Variants in SNX29 observed in about 807,000 individuals in gnomAD.
SNX29 encodes sorting nexin 29.
In SNX29, 78 loss-of-function variants were observed where a neutral mutation model predicts 102.1. That is an observed-to-expected ratio of 0.76 (90% confidence interval 0.64 to 0.92). The LOEUF (loss-of-function observed/expected upper bound fraction) is 0.92, where lower values mean the gene tolerates loss of function less well. Ranked by LOEUF, SNX29 falls within the 40% of genes least tolerant of loss-of-function variation. The pLI, the probability that SNX29 is intolerant of heterozygous loss-of-function variation, is 0.00. For synonymous variants in SNX29, 580 were observed against 414.5 expected, an observed-to-expected ratio of 1.40 and a Z score of -4.85; for missense variants, 1,280 against 1,061.7, an observed-to-expected ratio of 1.21 and a Z score of -2.86.
At chr16:12,539,987 TCA>T (rs2077254005) in intron 20 of SNX29, among the ~76,000 whole-genome samples, 1 of 152,198 alleles carries the variant, frequency 6.6e-6, no homozygotes, top group Non-Finnish European at 1.5e-5. Flanking sequence ...CTTCTAGTCT[TCA>T]GCTTCTTTTC....
In SNX29 at chr16:12,571,122, C is replaced by T. The variant is rs2079178611; in HGVS notation, c.*2493C>T. 4.3e-6 allele frequency: 1 copy of T among 232,672 alleles called. No homozygotes were observed. The highest frequency in any genetic ancestry group is 8.5e-6 in the Non-Finnish European group (1 of 117,652). The allele number at this position is 232,672 out of a possible 1,614,324, so 14.4% of individuals were successfully genotyped here. A position where few individuals can be genotyped will look rare whatever the true frequency, so the allele number is the denominator to read the frequency against. On this transcript the variant is annotated 3_prime_UTR_variant, in exon 21 of 21. Coordinates refer to ENST00000566228, the MANE Select transcript of SNX29 (RefSeq NM_032167.5). Reference sequence around the variant, plus strand: ...TCCCTTTGGAATCCCATAGAATGTTCTGCAATGATTGGGTCCATCTTGCTG... The same window carrying T: ...TCCCTTTGGAATCCCATAGAATGTTTTGCAATGATTGGGTCCATCTTGCTG...
At chr16:12,107,018 G>C (rs2053279430) in intron 11 of SNX29, among the ~76,000 whole-genome samples, 1 of 152,130 alleles carries the variant, frequency 6.6e-6, no homozygotes, top group Non-Finnish European at 1.5e-5. Flanking sequence ...AGGTCTCACT[G>C]TGTTGCCCAG....
Position 12,572,045 on chromosome 16 carries a change from G to C in SNX29, c.*3416G>C, listed in dbSNP as rs2079199036. On this transcript the variant is annotated 3_prime_UTR_variant, in exon 21 of 21. Coordinates refer to ENST00000566228, the MANE Select transcript of SNX29 (RefSeq NM_032167.5). The stretch of plus-strand genomic sequence containing the variant: ...ATAAAAGGGATCATCCAGTGGAGTT[G>C]TAAACAAGGGAACCATCTTGCAAGA... 2 of 1,063,454 alleles carry C rather than the reference G, an allele frequency of 1.9e-6. No homozygotes were observed. The highest frequency in any genetic ancestry group is 3.3e-5 in the African/African-American group (2 of 60,928). 65.9% of individuals were successfully genotyped at this position (1,063,454 alleles called of 1,614,324 possible).
intron 8 of SNX29, among the ~76,000 whole-genome samples, chr16:12,059,452 C>T (rs926227253): frequency 2.0e-5 from 3 of 152,208 alleles, no homozygotes; most frequent in Admixed American, 1.3e-4. Context: ...TCTTCTTTTG[C>T]CCCCACCCTG....
intron 9 of SNX29, among the ~76,000 whole-genome samples, chr16:12,063,868 C>T (rs1440461869): frequency 6.6e-6 from 1 of 151,930 alleles, no homozygotes; most frequent in East Asian, 1.9e-4. Context: ...ATTTCTAGAC[C>T]ATCCATGGTC....
chr16:12,536,531 G>A (rs1026406932), intron 20 of SNX29, among the ~76,000 whole-genome samples: 3 of 152,160 alleles, frequency 2.0e-5, no homozygotes, highest in African/African-American at 7.2e-5. Flanking sequence ...TTTCCCCTCT[G>A]TAAAATGGGA....
At chr16:11,993,025 CG>C (rs1340457011) in intron 1 of SNX29, among the ~76,000 whole-genome samples, 2 of 151,796 alleles carry the variant, frequency 1.3e-5, no homozygotes. Flanking sequence ...ATTAGCCAAG[CG>C]TGGTGGTGGG....
Position 12,571,460 on chromosome 16 carries a change from A to G in SNX29, c.*2831A>G. The G allele has an allele frequency of 4.1e-6, 1 of 246,014 alleles. No individual in the cohort carries two copies. Among genetic ancestry groups the G allele is most frequent in the Non-Finnish European group, 7.7e-6 (1 of 130,432 alleles). The allele number at this position is 246,014 out of a possible 1,614,324, so 15.2% of individuals were successfully genotyped here. The stretch of plus-strand genomic sequence containing the variant: ...AGATTTTCAAACAACATCTGAGAAC[A>G]GAAGCCCCCTCCCCTACTCAGAGAG... On this transcript the variant is annotated 3_prime_UTR_variant, in exon 21 of 21. Transcript: ENST00000566228.
chr16:12,326,329 C>CTTTTT (rs35321885), intron 15 of SNX29, among the ~76,000 whole-genome samples: 97 of 141,666 alleles, frequency 6.8e-4, no homozygotes, highest in African/African-American at 2.0e-3. Context: ...GCTTTTTTGT[C>CTTTTT]TTTTTTTTTT....
chr16:12,209,194 T>C (rs996017690), intron 14 of SNX29, among the ~76,000 whole-genome samples: 5 of 152,202 alleles, frequency 3.3e-5, no homozygotes, highest in African/African-American at 1.2e-4. Flanking sequence ...TAAAGTATAA[T>C]GTCCTAACTC....
chr16:12,089,349 TAAAA>T (rs933470608), intron 11 of SNX29, among the ~76,000 whole-genome samples: 8 of 151,444 alleles, frequency 5.3e-5, no homozygotes, highest in Admixed American at 1.3e-4. Flanking sequence ...ATAAAAAAAT[TAAAA>T]AAACCCAATA....
Position 11,988,583 on chromosome 16 carries a change from A to G in SNX29, c.8-10714A>G, listed in dbSNP as rs555968415. Among the ~76,000 whole-genome samples, 319 of 152,242 alleles carry G rather than the reference A, an allele frequency of 2.1e-3. 1 individual carries two copies. The highest frequency in any genetic ancestry group is 3.9e-3 in the Non-Finnish European group (268 of 68,016). On this transcript the variant is annotated intron_variant, in intron 1 of 20. Transcript: ENST00000566228. The stretch of plus-strand genomic sequence containing the variant: ...GGCTAATTTTTAAAAAACTTTTTGT[A>G]GGGACGGGGTGTCACTGTATTGCCC...
chr16:12,561,209 G>A lies in SNX29; in HGVS notation c.2319-7297G>A, dbSNP rs185596028. On this transcript the variant is annotated intron_variant, in intron 20 of 20. Coordinates refer to ENST00000566228, the MANE Select transcript of SNX29 (RefSeq NM_032167.5). The stretch of plus-strand genomic sequence containing the variant: ...TCTGATACTGCCCATCAGGACCCCC[G>A]CAGCCATGCAGTACAGAAGGCAGAG... The A allele has an allele frequency of 8.2e-4, 189 of 230,474 alleles. 2 individuals are homozygous for A. The highest frequency in any genetic ancestry group is 3.4e-3 in the African/African-American group (156 of 45,276). The allele number at this position is 230,474 out of a possible 1,614,324, so 14.3% of individuals were successfully genotyped here.
At chr16:12,015,842 G>C (rs374275421) in intron 3 of SNX29, among the ~76,000 whole-genome samples, 185 of 150,756 alleles carry the variant, frequency 1.2e-3, no homozygotes, top group African/African-American at 4.2e-3. Context: ...CAGCCTCCAA[G>C]TTATAGTTCT....
intron 18 of SNX29, among the ~76,000 whole-genome samples, chr16:12,422,456 T>C (rs77958136): frequency 0.019 from 2,889 of 152,272 alleles, 88 homozygotes; most frequent in African/African-American, 0.066. Context: ...ACTTCGACAG[T>C]CTAGCAAGTA....
chr16:12,245,071 T>C (rs543119852), intron 14 of SNX29, among the ~76,000 whole-genome samples: 2 of 152,306 alleles, frequency 1.3e-5, no homozygotes, highest in African/African-American at 4.8e-5. Flanking sequence ...AAAACATTGA[T>C]TCCCCGCCCC....
chr16:11,996,796 G>A (rs2056090295), intron 1 of SNX29, among the ~76,000 whole-genome samples: 1 of 152,204 alleles, frequency 6.6e-6, no homozygotes, highest in Non-Finnish European at 1.5e-5. Flanking sequence ...GTGTCAAGAG[G>A]TGTTGGAGGA....
intron 20 of SNX29, among the ~76,000 whole-genome samples, chr16:12,529,976 C>G (rs755116382): frequency 3.9e-5 from 6 of 152,168 alleles, no homozygotes; most frequent in Non-Finnish European, 7.3e-5. Flanking sequence ...CAAGAGATCT[C>G]AAAGCTGCAG....
rs2079185474 is a variant in SNX29, at chr16:12,571,444, A to T, written c.*2815A>T. 4.2e-6 allele frequency: 1 copy of T among 238,524 alleles called. No individual in the cohort carries two copies. The highest frequency in any genetic ancestry group is 2.2e-5 in the African/African-American group (1 of 45,266). The allele number at this position is 238,524 out of a possible 1,614,324, so 14.8% of individuals were successfully genotyped here. On this transcript the variant is annotated 3_prime_UTR_variant, in exon 21 of 21. Coordinates refer to ENST00000566228, the MANE Select transcript of SNX29 (RefSeq NM_032167.5). ...TTCTAAGATTACTCGGAGATTTTCA[A>T]ACAACATCTGAGAACAGAAGCCCCC... is the stretch of plus-strand genomic sequence containing the variant.
Sources: allele counts gnomAD v4.1 joint callset (sites outside exome capture counted in the v4.1 genomes callset), GRCh38; gene constraint gnomAD v4.1.1; transcripts MANE v1.5; gene names NCBI Gene and HGNC (gene_info 2026-07-23, HGNC 2026-07-21).